The following CACNA2D3 variants were observed in gnomAD, a reference collection of about 807,000 sequenced individuals.
The protein encoded by CACNA2D3 is voltage-dependent calcium channel subunit alpha-2/delta-3.
CACNA2D3 carries 60 observed loss-of-function variants against 160.6 expected under a neutral mutation model. The observed-to-expected ratio is 0.37, with a 90% CI of 0.30 to 0.46. The LOEUF is 0.46. Among genes scored for constraint, CACNA2D3 ranks in the 20% least tolerant of loss-of-function variants. The pLI, the probability that CACNA2D3 is intolerant of heterozygous loss-of-function variation, is 1.00. For synonymous variants in CACNA2D3, 558 were observed against 492.9 expected, an observed-to-expected ratio of 1.13 and a Z score of -1.75; for missense variants, 1,205 against 1,365.0, an observed-to-expected ratio of 0.88 and a Z score of 1.85.
intron 34 of CACNA2D3, among the ~76,000 whole-genome samples, chr3:55,015,349 G>A (rs1175504317): frequency 6.6e-6 from 1 of 152,116 alleles, no homozygotes; most frequent in African/African-American, 2.4e-5. Flanking sequence ...TTCACCATCT[G>A]CAAAACAGAT....
chr3:54,134,679 T>G (rs969850108), intron 2 of CACNA2D3, among the ~76,000 whole-genome samples: 2 of 152,250 alleles, frequency 1.3e-5, no homozygotes, highest in Non-Finnish European at 2.9e-5. Flanking sequence ...GGCAGGTCCC[T>G]TGCCCACAAC....
chr3:54,568,161 C>T (rs958880736), intron 6 of CACNA2D3, among the ~76,000 whole-genome samples: 2 of 152,162 alleles, frequency 1.3e-5, no homozygotes, highest in African/African-American at 2.4e-5. Flanking sequence ...AACAGGAAGT[C>T]ATAGGTTGTC....
At chr3:54,622,021 A>C (rs1476178694) in intron 9 of CACNA2D3, among the ~76,000 whole-genome samples, 1 of 152,180 alleles carries the variant, frequency 6.6e-6, no homozygotes, top group Admixed American at 6.5e-5. Flanking sequence ...AAATGAAGGC[A>C]CAGATAAGGC....
chr3:54,918,310 T>A, intron 27 of CACNA2D3: 1 of 787,706 alleles, frequency 1.3e-6, no homozygotes, highest in Admixed American at 2.6e-5. Context: ...AAATATTTTT[T>A]ACAGACACAT....
intron 14 of CACNA2D3, among the ~76,000 whole-genome samples, chr3:54,824,444 ATCTGCC>A (rs1703707083): frequency 6.6e-6 from 1 of 152,198 alleles, no homozygotes; most frequent in South Asian, 2.1e-4. Flanking sequence ...TGAGAATGAC[ATCTGCC>A]CAACTTGCTA....
At chr3:54,190,163 C>G (rs1700953543) in intron 2 of CACNA2D3, among the ~76,000 whole-genome samples, 1 of 152,144 alleles carries the variant, frequency 6.6e-6, no homozygotes, top group African/African-American at 2.4e-5. Flanking sequence ...ATGGGTGGAG[C>G]CCTCATGATC....
At chr3:55,024,643 C>T (rs1353501161) in intron 35 of CACNA2D3, among the ~76,000 whole-genome samples, 6 of 152,170 alleles carry the variant, frequency 3.9e-5, no homozygotes, top group African/African-American at 1.2e-4. Flanking sequence ...TTGGGATTCC[C>T]AGCCTCCAAA....
chr3:54,852,827 A>G (rs1370439864), intron 17 of CACNA2D3, among the ~76,000 whole-genome samples: 1 of 152,238 alleles, frequency 6.6e-6, no homozygotes, highest in Non-Finnish European at 1.5e-5. Flanking sequence ...AGTGCACATC[A>G]AACATCAGTT....
chr3:54,687,121 C>CTTTTTCTTT, intron 11 of CACNA2D3, among the ~76,000 whole-genome samples: 79 of 94,926 alleles, frequency 8.3e-4, no homozygotes, highest in Non-Finnish European at 1.3e-3. Context: ...TTTTCTTTTT[C>CTTTTTCTTT]TTTTTTTTTT....
intron 2 of CACNA2D3, among the ~76,000 whole-genome samples, chr3:54,288,057 A>T (rs2107472416): frequency 6.6e-6 from 1 of 152,192 alleles, no homozygotes; most frequent in African/African-American, 2.4e-5. Flanking sequence ...GCAGAAGGCA[A>T]GAAATAACTA....
At chr3:54,586,432 G>C (rs1393955466) in intron 9 of CACNA2D3, among the ~76,000 whole-genome samples, 1 of 151,926 alleles carries the variant, frequency 6.6e-6, no homozygotes, top group Non-Finnish European at 1.5e-5. Flanking sequence ...ACAAAGAAAG[G>C]GATATTTCAT....
chr3:54,192,379 A>G (rs1220768740), intron 2 of CACNA2D3, among the ~76,000 whole-genome samples: 2 of 152,206 alleles, frequency 1.3e-5, no homozygotes, highest in African/African-American at 4.8e-5. Flanking sequence ...ACCATGCAAC[A>G]TGCAGGTGAC....
intron 27 of CACNA2D3, among the ~76,000 whole-genome samples, chr3:54,916,215 C>T (rs969511498): frequency 1.6e-4 from 25 of 152,248 alleles, no homozygotes; most frequent in African/African-American, 4.1e-4. Flanking sequence ...ACACGGTACA[C>T]GGTGTGAGCT....
chr3:55,001,117 G>A (rs1702972176), intron 31 of CACNA2D3, among the ~76,000 whole-genome samples: 1 of 152,190 alleles, frequency 6.6e-6, no homozygotes, highest in Admixed American at 6.5e-5. Flanking sequence ...ACAGAGTTCA[G>A]TACACATCAG....
intron 2 of CACNA2D3, among the ~76,000 whole-genome samples, chr3:54,173,723 C>T (rs1025650032): frequency 5.3e-5 from 8 of 152,214 alleles, no homozygotes; most frequent in Non-Finnish European, 8.8e-5. Flanking sequence ...TTGCACTTTC[C>T]AGCCCCAGAA....
rs1703178586 is a variant in CACNA2D3 at position 54,290,856 on chromosome 3, C to T, written c.205-29586C>T. Among the ~76,000 whole-genome samples the T allele has an allele frequency of 3.3e-5, 5 of 151,070 alleles. No individual in the cohort carries two copies. The South Asian group carries it at 1.0e-3, about 31-fold the overall frequency. On this transcript the variant is annotated intron_variant, in intron 2 of 37. Transcript: ENST00000474759. ...TTCTCACTCATAGGTGGCAATTGAA[C>T]AATGAGAACACACGGACACAGGAAG...
intron 21 of CACNA2D3, among the ~76,000 whole-genome samples, chr3:54,883,032 T>C (rs984142375): frequency 6.6e-6 from 1 of 152,176 alleles, no homozygotes. Flanking sequence ...TCTTTTTGTG[T>C]GTGTGTGTGA....
At chr3:54,590,928 C>T (rs73841693) in intron 9 of CACNA2D3, among the ~76,000 whole-genome samples, 1,889 of 152,216 alleles carry the variant, frequency 0.012, 28 homozygotes, top group African/African-American at 0.041. Context: ...GATTGTGGTT[C>T]ACTTTTTAAT....
intron 5 of CACNA2D3, among the ~76,000 whole-genome samples, chr3:54,538,658 G>A (rs375425503): frequency 3.9e-5 from 6 of 152,136 alleles, no homozygotes; most frequent in East Asian, 1.9e-4. Flanking sequence ...GACTTAGCCC[G>A]TGTTCTGAGG....
Sources: allele counts gnomAD v4.1 joint callset (sites outside exome capture counted in the v4.1 genomes callset), GRCh38; gene constraint gnomAD v4.1.1; transcripts MANE v1.5; gene names NCBI Gene and HGNC (gene_info 2026-07-23, HGNC 2026-07-21).